ACSS3: variants seen among roughly 807,000 people sequenced by gnomAD.
The protein encoded by ACSS3 is acyl-CoA synthetase short-chain family member 3, mitochondrial.
ACSS3 carries 64 observed loss-of-function variants against 84.2 expected under a neutral mutation model. The ratio of observed to expected loss-of-function variants is 0.76; its 90% CI spans 0.62 to 0.94. ACSS3 has a LOEUF of 0.94. Among genes scored for constraint, ACSS3 ranks in the 40% least tolerant of loss-of-function variants. The pLI is 0.00. For synonymous variants in ACSS3, 317 were observed against 310.1 expected (o/e 1.02, Z -0.23); for missense variants, 815 against 867.6 (o/e 0.94, Z 0.76).
At chr12:81,228,587 G>A (rs533661849) in intron 11 of ACSS3, among the ~76,000 whole-genome samples, 1 of 151,850 alleles carries the variant, frequency 6.6e-6, no homozygotes, top group East Asian at 1.9e-4. Context: ...AGGAAATGCA[G>A]GTTAGCAGGA....
intron 9 of ACSS3, among the ~76,000 whole-genome samples, chr12:81,206,802 G>C (rs571017801): frequency 6.6e-6 from 1 of 152,208 alleles, no homozygotes; most frequent in South Asian, 2.1e-4. Flanking sequence ...CAAATGTAAG[G>C]CATGCTTAAT....
chr12:81,144,331 A>T (rs554627261), intron 5 of ACSS3, among the ~76,000 whole-genome samples: 1 of 152,344 alleles, frequency 6.6e-6, no homozygotes, highest in African/African-American at 2.4e-5. Context: ...TCATACGTAG[A>T]TGCATGCACA....
intron 1 of ACSS3, among the ~76,000 whole-genome samples, chr12:81,084,680 CTA>C (rs1881202577): frequency 6.6e-6 from 1 of 151,784 alleles, no homozygotes; most frequent in Non-Finnish European, 1.5e-5. Context: ...GAAAAAAAAA[CTA>C]TGGAAATGGA....
At chr12:81,107,495 C>T (rs1255941763) in intron 1 of ACSS3, among the ~76,000 whole-genome samples, 4 of 59,266 alleles carry the variant, frequency 6.7e-5, no homozygotes, top group Non-Finnish European at 1.1e-4. Context: ...TTTTTTTTTT[C>T]AGGTACAAAT....
chr12:81,179,456 T>G (rs2030760869), intron 8 of ACSS3, among the ~76,000 whole-genome samples: 1 of 151,932 alleles, frequency 6.6e-6, no homozygotes, highest in Non-Finnish European at 1.5e-5. Flanking sequence ...ATATCTGGAA[T>G]ATATAAGGAG....
intron 9 of ACSS3, among the ~76,000 whole-genome samples, chr12:81,211,013 G>A (rs1041064951): frequency 1.6e-4 from 25 of 151,972 alleles, no homozygotes; most frequent in Admixed American, 6.6e-5. Flanking sequence ...GTTTCACTTT[G>A]TTGCCCAGGC....
At chr12:81,219,508 C>A (rs546433599) in intron 10 of ACSS3, among the ~76,000 whole-genome samples, 1 of 152,062 alleles carries the variant, frequency 6.6e-6, no homozygotes, top group Non-Finnish European at 1.5e-5. Flanking sequence ...TCTATCAGGA[C>A]AGCACAGAAA....
chr12:81,108,054 A>G (rs1044070574), intron 1 of ACSS3, among the ~76,000 whole-genome samples: 1 of 152,048 alleles, frequency 6.6e-6, no homozygotes, highest in African/African-American at 2.4e-5. Flanking sequence ...GAGACAAAAT[A>G]CTTTTGCTAA....
chr12:81,101,904 G>C (rs150308969), intron 1 of ACSS3, among the ~76,000 whole-genome samples: 3 of 151,820 alleles, frequency 2.0e-5, no homozygotes, highest in African/African-American at 7.2e-5. Flanking sequence ...GAAATTGTTT[G>C]CCTATTGGAT....
Position 81,180,556 on chromosome 12 carries a change from C to T in ACSS3, c.1250+5617C>T, listed in dbSNP as rs1346092848. On this transcript the variant is annotated intron_variant, in intron 8 of 15. Transcript: ENST00000548058. ...ATCGAGACAGAGTCTCACTCTGTTG[C>T]CCAGGCTGGAGTGCAGTGGCATGAT... is the stretch of plus-strand genomic sequence containing the variant. Among the ~76,000 whole-genome samples the T allele has an allele frequency of 4.6e-5, 7 of 152,182 alleles. No individual in the cohort carries two copies. The South Asian group carries it at 1.5e-3, about 32-fold the overall frequency.
intron 8 of ACSS3, among the ~76,000 whole-genome samples, chr12:81,197,100 T>C (rs2031873601): frequency 6.6e-6 from 1 of 152,146 alleles, no homozygotes; most frequent in Non-Finnish European, 1.5e-5. Context: ...AACAGCACAT[T>C]GGATGTTTTA....
chr12:81,167,344 A>G lies in ACSS3; in HGVS notation c.1099-7444A>G, dbSNP rs568442811. Among the ~76,000 whole-genome samples the G allele has an allele frequency of 2.0e-5, 3 of 152,334 alleles. No individual in the cohort carries two copies. In the South Asian group the frequency reaches 6.2e-4, roughly 32 times the overall value. On this transcript the variant is annotated intron_variant, in intron 7 of 15. Coordinates refer to ENST00000548058, the MANE Select transcript of ACSS3 (RefSeq NM_024560.4). ...AGAACCAAACCAAAAGGATAGATCT[A>G]GACCATTTAGGATACACACCCTGCC...
chr12:81,109,641 C>A lies in ACSS3; in HGVS notation c.393C>A (p.Ile131=), dbSNP rs1191463871. The part of the protein sequence containing the change: ...IENGKGDKIA[I]IYDSPVTNTK... ...ATGGTAAAGGGGATAAGATTGCTAT[C>A]ATCTATGACAGTCCTGTTACAAACA... The change falls in exon 2 of 16, where the codon ATC becomes ATA. Residue 131 remains isoleucine, a synonymous_variant. Coordinates refer to ENST00000548058, the MANE Select transcript of ACSS3 (RefSeq NM_024560.4). The A allele has an allele frequency of 1.2e-6, 2 of 1,612,334 alleles. No homozygotes were observed. The highest frequency in any genetic ancestry group is 1.7e-6 in the Non-Finnish European group (2 of 1,179,196).
chr12:81,210,642 T>A (rs12816473), intron 9 of ACSS3, among the ~76,000 whole-genome samples: 2 of 151,940 alleles, frequency 1.3e-5, no homozygotes, highest in South Asian at 4.1e-4. Flanking sequence ...ACCCATCTCT[T>A]TTGTTTCTTC....
chr12:81,180,038 G>GA (rs2135838995), intron 8 of ACSS3, among the ~76,000 whole-genome samples: 1 of 152,258 alleles, frequency 6.6e-6, no homozygotes, highest in African/African-American at 2.4e-5. Context: ...ATACACCATA[G>GA]AATACTACAC....
intron 12 of ACSS3, among the ~76,000 whole-genome samples, chr12:81,231,701 G>T (rs2033471099): frequency 1.3e-5 from 2 of 151,708 alleles, no homozygotes; most frequent in South Asian, 4.1e-4. Flanking sequence ...CCAACACCCA[G>T]CGTCCTGGAT....
intron 13 of ACSS3, among the ~76,000 whole-genome samples, chr12:81,245,050 G>A (rs1219505862): frequency 6.6e-6 from 1 of 152,132 alleles, no homozygotes; most frequent in Non-Finnish European, 1.5e-5. Context: ...TGGTGTATTG[G>A]TAAGATGCAG....
At chr12:81,179,778 C>CA (rs201290758) in intron 8 of ACSS3, among the ~76,000 whole-genome samples, 19,735 of 72,712 alleles carry the variant, frequency 0.27, 1,967 homozygotes, top group East Asian at 0.48. Flanking sequence ...GACTCCGTCT[C>CA]AAAAAAAAAA....
At chr12:81,164,980 A>G (rs1239491057) in intron 7 of ACSS3, among the ~76,000 whole-genome samples, 6 of 152,170 alleles carry the variant, frequency 3.9e-5, no homozygotes, top group South Asian at 4.1e-4. Flanking sequence ...AAAATCTAGT[A>G]TATAGCAATC....
Sources: allele counts gnomAD v4.1 joint callset (sites outside exome capture counted in the v4.1 genomes callset), GRCh38; gene constraint gnomAD v4.1.1; transcripts MANE v1.5; gene names NCBI Gene and HGNC (gene_info 2026-07-23, HGNC 2026-07-21).